Variants in EPS15L1 observed in about 807,000 individuals in gnomAD.
EPS15L1 encodes epidermal growth factor receptor substrate 15-like 1.
EPS15L1 carries 43 observed loss-of-function variants against 117.1 expected under a neutral mutation model. The ratio of observed to expected loss-of-function variants is 0.37; its 90% CI spans 0.29 to 0.47. The LOEUF is 0.47. Among genes scored for constraint, EPS15L1 ranks in the 20% least tolerant of loss-of-function variants. The probability of loss-of-function intolerance (pLI) is 0.99; values close to 1 mark genes in which losing one functional copy is unlikely to be tolerated. For missense variants in EPS15L1, 981 were observed against 1,164.0 expected (o/e 0.84, Z 2.29); for synonymous variants, 459 against 470.5 (o/e 0.98, Z 0.32).
chr19:16,402,250 C>G, intron 16 of EPS15L1, 71 bp downstream of exon 16: 1 of 1,519,094 alleles, frequency 6.6e-7, no homozygotes, highest in Non-Finnish European at 8.8e-7. Context: ...ACAGATCTGG[C>G]GGGTGGGATG....
At position 16,440,576 on chromosome 19, in the gene EPS15L1, T is replaced by C. The variant is rs115804462; in HGVS notation, c.213+286A>G. The C allele has an allele frequency of 3.4e-3, 730 of 217,808 alleles. 8 individuals are homozygous for C. The highest frequency in any genetic ancestry group is 0.016 in the African/African-American group (678 of 43,736). The allele number at this position is 217,808 out of a possible 1,614,324, so 13.5% of individuals were successfully genotyped here. ...TTGTGCAACTTCCACGAGAGACTGG[T>C]CCAAAATAAAAAGTCTGGACAACAC... On this transcript the variant is annotated intron_variant, in intron 4 of 23. Coordinates refer to ENST00000455140, the MANE Select transcript of EPS15L1 (RefSeq NM_001258374.3).
chr19:16,356,143 A>T (rs1280154575), intron 23 of EPS15L1, among the ~76,000 whole-genome samples: 3 of 152,200 alleles, frequency 2.0e-5, no homozygotes, highest in African/African-American at 7.2e-5. Flanking sequence ...AGAAGTGAGG[A>T]TGGGCCCTTG....
At chr19:16,472,007 C>T (rs2093351347), upstream of EPS15L1, 5 of 1,212,638 alleles carry the variant, frequency 4.1e-6, no homozygotes, top group African/African-American at 1.6e-5. Flanking sequence ...GCCACGCGTG[C>T]GCACTGGGAC....
intron 13 of EPS15L1, among the ~76,000 whole-genome samples, chr19:16,409,780 A>C (rs1248870481): frequency 6.6e-6 from 1 of 152,008 alleles, no homozygotes; most frequent in Non-Finnish European, 1.5e-5. Context: ...TCTACTAAAA[A>C]CACAAAAATT....
In EPS15L1 at chr19:16,467,805, G is replaced by C. The variant is rs551498696; in HGVS notation, c.33+4108C>G. ...GGGAGAGGTGCCCAGCAGGCCATCTGGAACAGCAGGGCTCTGCGGCAGGAG... is the reference window on the plus strand; with the variant it reads ...GGGAGAGGTGCCCAGCAGGCCATCTCGAACAGCAGGGCTCTGCGGCAGGAG... On this transcript the variant is annotated intron_variant, in intron 1 of 23. Transcript: ENST00000455140. Among the ~76,000 whole-genome samples, 5 of 152,312 alleles carry C rather than the reference G, an allele frequency of 3.3e-5. No individual in the cohort carries two copies. In the East Asian group the frequency reaches 9.6e-4, roughly 29 times the overall value.
chr19:16,423,291 G>A (rs2092836050), intron 9 of EPS15L1, among the ~76,000 whole-genome samples: 1 of 152,140 alleles, frequency 6.6e-6, no homozygotes, highest in African/African-American at 2.4e-5. Flanking sequence ...GCTAGGCCAG[G>A]CACAGTGCTC....
At chr19:16,361,297 T>G (rs1372129784) in intron 23 of EPS15L1, among the ~76,000 whole-genome samples, 1 of 151,734 alleles carries the variant, frequency 6.6e-6, no homozygotes, top group Admixed American at 6.6e-5. Flanking sequence ...CCTGGCGCGA[T>G]CTGCCTGAAG....
chr19:16,471,556 C>T lies in EPS15L1; in HGVS notation c.33+357G>A, dbSNP rs1490281579. Among the ~76,000 whole-genome samples the T allele has an allele frequency of 6.6e-6, 1 of 152,204 alleles. No homozygotes were observed. Among genetic ancestry groups the T allele is most frequent in the Non-Finnish European group, 1.5e-5 (1 of 68,022 alleles). ...AGGGAGACAAAGACTCGCTGGGCCGCCGCGCCGACAGAAACGCTCGCACCC... is the reference window on the plus strand; with the variant it reads ...AGGGAGACAAAGACTCGCTGGGCCGTCGCGCCGACAGAAACGCTCGCACCC... On this transcript the variant is annotated intron_variant, in intron 1 of 23. Transcript: ENST00000455140. This position sits in a 1 kb window ranked among gnomAD's most constrained non-coding sequence, Gnocchi z 4.8.
chr19:16,433,711 A>G (rs1293249270), intron 7 of EPS15L1, among the ~76,000 whole-genome samples: 1 of 151,754 alleles, frequency 6.6e-6, no homozygotes, highest in Admixed American at 6.6e-5. Context: ...TCACGCCTGT[A>G]ATCCCAGCAC....
intron 19 of EPS15L1, among the ~76,000 whole-genome samples, chr19:16,386,956 A>G (rs1247075359): frequency 6.6e-6 from 1 of 152,246 alleles, no homozygotes; most frequent in Non-Finnish European, 1.5e-5. Context: ...TATCAGATAC[A>G]TTTCTAAACA....
rs915959992 is a variant in EPS15L1, at chr19:16,404,259, G to A, written c.1428+329C>T. Among the ~76,000 whole-genome samples the A allele has an allele frequency of 2.0e-5, 3 of 152,210 alleles. No homozygotes were observed. In the East Asian group the frequency reaches 5.8e-4, roughly 29 times the overall value. ...TGAGGTTGCAGCCTCCGGGATCTGT[G>A]AGGAGCCTCAGAGACACCTGAGGAG... On this transcript the variant is annotated intron_variant, in intron 14 of 23. Transcript: ENST00000455140. This position sits in a 1 kb window ranked among gnomAD's most constrained non-coding sequence, Gnocchi z 4.2.
intron 19 of EPS15L1, among the ~76,000 whole-genome samples, chr19:16,391,982 T>A (rs1322193320): frequency 6.6e-6 from 1 of 151,940 alleles, no homozygotes; most frequent in Non-Finnish European, 1.5e-5. Flanking sequence ...TGGGGGCAGA[T>A]GACTAGAGTT....
At chr19:16,388,718 T>A (rs147291095) in intron 19 of EPS15L1, among the ~76,000 whole-genome samples, 95 of 152,044 alleles carry the variant, frequency 6.2e-4, no homozygotes, top group African/African-American at 2.1e-3. Context: ...TCCCAACTAC[T>A]CGAGAGGCTG....
At chr19:16,398,431 G>T (rs577750457) in intron 16 of EPS15L1, among the ~76,000 whole-genome samples, 199 of 152,234 alleles carry the variant, frequency 1.3e-3, no homozygotes, top group African/African-American at 4.6e-3. Context: ...ACGACCACAA[G>T]ACACACACGC....
intron 18 of EPS15L1, among the ~76,000 whole-genome samples, chr19:16,393,115 T>C (rs1293338402): frequency 1.4e-5 from 1 of 70,518 alleles, no homozygotes; most frequent in Non-Finnish European, 3.3e-5. Context: ...ATAATAATAA[T>C]AATAATAATA....
chr19:16,464,371 G>A (rs2093280352), intron 1 of EPS15L1, among the ~76,000 whole-genome samples: 2 of 152,172 alleles, frequency 1.3e-5, no homozygotes, highest in South Asian at 4.1e-4. Context: ...CCAGTCCAGC[G>A]CGAAGGACAG....
At chr19:16,398,034 A>T (rs1478704003) in intron 16 of EPS15L1, among the ~76,000 whole-genome samples, 1 of 152,206 alleles carries the variant, frequency 6.6e-6, no homozygotes, top group African/African-American at 2.4e-5. Flanking sequence ...CGTCCACAAA[A>T]ATAGGGACAA....
At position 16,386,200 on chromosome 19, in the gene EPS15L1, G is replaced by A; in HGVS notation, c.2135C>T (p.Ser712Leu). The change falls in exon 20 of 24, where the codon TCA becomes TTA. Residue 712 changes from serine to leucine, a missense_variant. This residue lies in a region of EPS15L1 where 819 missense variants were observed against 949.0 expected (regional missense o/e 0.86). Coordinates refer to ENST00000455140, the MANE Select transcript of EPS15L1 (RefSeq NM_001258374.3). ...LDPFESSDPF[S>L]SSSVSSKGSD... ...TCCTTTTGAGGAGACACTGGAGGAT[G>A]AAAAGGGATCACTGGATTCAAAGGG... The A allele has an allele frequency of 6.2e-7, 1 of 1,612,838 alleles. No individual in the cohort carries two copies. The highest frequency in any genetic ancestry group is 8.5e-7 in the Non-Finnish European group (1 of 1,178,990).
At chr19:16,369,217 C>A (rs751425244) in intron 22 of EPS15L1, among the ~76,000 whole-genome samples, 1 of 152,248 alleles carries the variant, frequency 6.6e-6, no homozygotes, top group Non-Finnish European at 1.5e-5. Context: ...CAGCCCCGCG[C>A]GCACTCTGCC....
Sources: allele counts gnomAD v4.1 joint callset (sites outside exome capture counted in the v4.1 genomes callset), GRCh38; gene constraint gnomAD v4.1.1; regional missense constraint gnomAD v4.1.1; non-coding constraint Gnocchi (gnomAD v3.1); transcripts MANE v1.5; gene names NCBI Gene and HGNC (gene_info 2026-07-23, HGNC 2026-07-21).